Variants in TRIP4 observed in about 807,000 individuals in gnomAD.
TRIP4 encodes activating signal cointegrator 1.
Under a neutral mutation model 81.8 loss-of-function variants are expected in TRIP4, and 54 were observed. The observed-to-expected ratio is 0.66, with a 90% CI of 0.53 to 0.83. TRIP4 has a LOEUF of 0.83. Ranked by LOEUF, TRIP4 falls within the 40% of genes least tolerant of loss-of-function variation. TRIP4 has a pLI of 0.00. For synonymous variants in TRIP4, 270 were observed against 242.8 expected (o/e 1.11, Z -1.04); for missense variants, 662 against 683.6 (o/e 0.97, Z 0.35).
intron 12 of TRIP4, among the ~76,000 whole-genome samples, chr15:64,453,011 C>A (rs1290036638): frequency 6.6e-6 from 1 of 151,968 alleles, no homozygotes; most frequent in Non-Finnish European, 1.5e-5. Context: ...GTGGTGAAAC[C>A]CTATCTCTAC....
intron 12 of TRIP4, among the ~76,000 whole-genome samples, chr15:64,449,955 A>G (rs1048792827): frequency 6.6e-6 from 1 of 152,192 alleles, no homozygotes; most frequent in Non-Finnish European, 1.5e-5. Flanking sequence ...TTTAGGCACT[A>G]TGATTGAGGA....
At chr15:64,410,872 A>G (rs1249678009) in intron 7 of TRIP4, among the ~76,000 whole-genome samples, 1 of 152,240 alleles carries the variant, frequency 6.6e-6, no homozygotes, top group African/African-American at 2.4e-5. Context: ...CAGCAGAAAA[A>G]TGGACAAAAA....
At chr15:64,419,927 A>G (rs1420054070) in intron 9 of TRIP4, among the ~76,000 whole-genome samples, 1 of 148,688 alleles carries the variant, frequency 6.7e-6, no homozygotes, top group Non-Finnish European at 1.5e-5. Flanking sequence ...GCAATTCTAC[A>G]GCCTCAGCCT....
chr15:64,423,345 C>T (rs1434854223), intron 9 of TRIP4, among the ~76,000 whole-genome samples: 1 of 151,290 alleles, frequency 6.6e-6, no homozygotes, highest in Admixed American at 6.6e-5. Flanking sequence ...TGCGTGTAGT[C>T]CCAGCTACTC....
At chr15:64,430,890 A>G (rs570065994) in intron 11 of TRIP4, among the ~76,000 whole-genome samples, 28 of 152,330 alleles carry the variant, frequency 1.8e-4, no homozygotes, top group Middle Eastern at 3.4e-3. Flanking sequence ...TAGTCTTCCA[A>G]TAGGGAAGAG....
intron 11 of TRIP4, among the ~76,000 whole-genome samples, chr15:64,442,161 T>C (rs1488527135): frequency 6.6e-6 from 1 of 151,008 alleles, no homozygotes; most frequent in Non-Finnish European, 1.5e-5. Flanking sequence ...GAAAACCCGT[T>C]GGAGAGTTTT....
chr15:64,411,702 C>T (rs896616117), intron 7 of TRIP4, among the ~76,000 whole-genome samples: 2 of 145,228 alleles, frequency 1.4e-5, no homozygotes, highest in African/African-American at 5.0e-5. Context: ...TTTTTTGAGA[C>T]AAAGTCTCGC....
intron 6 of TRIP4, among the ~76,000 whole-genome samples, chr15:64,407,121 A>G (rs1216845559): frequency 6.6e-6 from 1 of 152,154 alleles, no homozygotes; most frequent in East Asian, 1.9e-4. Context: ...TAGGATTTAT[A>G]TGCTCCCTTC....
At chr15:64,407,014 A>G (rs1012818525) in intron 6 of TRIP4, among the ~76,000 whole-genome samples, 14 of 152,164 alleles carry the variant, frequency 9.2e-5, no homozygotes, top group Non-Finnish European at 1.8e-4. Flanking sequence ...AGATAGATTT[A>G]TGATAATTCT....
In TRIP4 at chr15:64,401,185, G is replaced by A. The variant is rs536109655; in HGVS notation, c.697+364G>A. Among the ~76,000 whole-genome samples, 319 of 151,064 alleles carry A rather than the reference G, an allele frequency of 2.1e-3. 3 individuals are homozygous for A. The highest frequency in any genetic ancestry group is 7.5e-3 in the African/African-American group (309 of 41,056). On this transcript the variant is annotated intron_variant, in intron 5 of 12. Coordinates refer to ENST00000261884, the MANE Select transcript of TRIP4 (RefSeq NM_016213.5). ...GTCTCGCTCTGTCACCCAGGCTGGA[G>A]TGTAGTGGCGCTGATCTCGGCTCAC...
intron 5 of TRIP4, among the ~76,000 whole-genome samples, chr15:64,404,171 C>T (rs760135884): frequency 1.5e-4 from 22 of 151,132 alleles, no homozygotes; most frequent in Middle Eastern, 3.4e-3. Context: ...GCCTGGGCAA[C>T]GAGAGTGAAA....
At chr15:64,393,338 T>C (rs77158098) in intron 1 of TRIP4, 2 of 149,074 alleles carry the variant, frequency 1.3e-5, no homozygotes, top group African/African-American at 2.5e-5. Flanking sequence ...TTTTTTTTTT[T>C]AGTAGAGACA....
rs895056666 is a variant in TRIP4, at chr15:64,412,139, A to G, written c.1044-1946A>G. Among the ~76,000 whole-genome samples, 42 of 152,182 alleles carry G rather than the reference A, an allele frequency of 2.8e-4. 1 individual carries two copies. The highest frequency in any genetic ancestry group is 1.0e-3 in the African/African-American group (42 of 41,526). Reference sequence around the variant, plus strand: ...ATTCACATTCCTTTGCTTTAGTTGTATGTTAGTAAGTTTGAGTGTTCTGAA... The same window carrying G: ...ATTCACATTCCTTTGCTTTAGTTGTGTGTTAGTAAGTTTGAGTGTTCTGAA... On this transcript the variant is annotated intron_variant, in intron 7 of 12. Coordinates refer to ENST00000261884, the MANE Select transcript of TRIP4 (RefSeq NM_016213.5).
Position 64,394,057 on chromosome 15 carries a change from G to T in TRIP4, c.213G>T (p.Trp71Cys). Residue 71 changes from tryptophan (W) to cysteine (C), a missense_variant, in exon 2 of 13, where the codon TGG (tryptophan) becomes TGT (cysteine). Trp to Cys is a radical substitution (Grantham distance 215). Transcript: ENST00000261884. ...TCATAGAAGAACTTATAACCAAATG[G>T]CAAAAGAATGATCAGGAGTTGATTT... is the stretch of plus-strand genomic sequence containing the variant. ...GQFIEELITK[W>C]QKNDQELISD... The T allele has an allele frequency of 6.2e-7, 1 of 1,610,228 alleles. No homozygotes were observed. The highest frequency in any genetic ancestry group is 8.5e-7 in the Non-Finnish European group (1 of 1,178,196).
intron 11 of TRIP4, among the ~76,000 whole-genome samples, chr15:64,436,445 A>G (rs187290318): frequency 6.6e-6 from 1 of 151,894 alleles, no homozygotes; most frequent in East Asian, 1.9e-4. Context: ...TATAAAAATT[A>G]GTTGGGCATG....
chr15:64,453,130 C>T (rs1892809323), intron 12 of TRIP4, among the ~76,000 whole-genome samples: 1 of 152,136 alleles, frequency 6.6e-6, no homozygotes, highest in Admixed American at 6.5e-5. Flanking sequence ...TTGCAGTGAG[C>T]CGAGATTATG....
intron 11 of TRIP4, among the ~76,000 whole-genome samples, chr15:64,440,459 C>CT (rs11416239): frequency 0.85 from 123,430 of 144,898 alleles, 53,108 homozygotes; most frequent in East Asian, 0.96. Flanking sequence ...TTGTGGTTGT[C>CT]TTTTTTTTTT....
At chr15:64,412,762 G>A (rs1891797377) in intron 7 of TRIP4, among the ~76,000 whole-genome samples, 1 of 152,190 alleles carries the variant, frequency 6.6e-6, no homozygotes, top group South Asian at 2.1e-4. Flanking sequence ...GCATCCAACA[G>A]GAGTATTGAA....
At chr15:64,421,567 C>G (rs558067440) in intron 9 of TRIP4, among the ~76,000 whole-genome samples, 61 of 151,880 alleles carry the variant, frequency 4.0e-4, no homozygotes, top group African/African-American at 1.5e-3. Context: ...AACTCCTGAC[C>G]TCAAGTGATC....
Sources: allele counts gnomAD v4.1 joint callset (sites outside exome capture counted in the v4.1 genomes callset), GRCh38; gene constraint gnomAD v4.1.1; transcripts MANE v1.5; gene names NCBI Gene and HGNC (gene_info 2026-07-23, HGNC 2026-07-21).